The following HIBCH variants were observed in gnomAD, a reference collection of about 807,000 sequenced individuals.
HIBCH encodes 3-hydroxyisobutyryl-CoA hydrolase, mitochondrial.
Under a neutral mutation model 58.2 loss-of-function variants are expected in HIBCH, and 50 were observed. The ratio of observed to expected loss-of-function variants is 0.86; its 90% CI spans 0.68 to 1.09. HIBCH has a LOEUF of 1.09. Among genes scored for constraint, HIBCH ranks in the 50% least tolerant of loss-of-function variants. The pLI, the probability that HIBCH is intolerant of heterozygous loss-of-function variation, is 0.00. For missense variants in HIBCH, 450 were observed against 449.7 expected, an observed-to-expected ratio of 1.00 and a Z score of -0.01; for synonymous variants, 151 against 146.9, an observed-to-expected ratio of 1.03 and a Z score of -0.20.
Position 190,304,252 on chromosome 2 carries a change from TAA to T in HIBCH, c.78+6500_78+6501del, listed in dbSNP as rs34508159. On this transcript the variant is annotated intron_variant, in intron 2 of 13. Coordinates refer to ENST00000359678, the MANE Select transcript of HIBCH (RefSeq NM_014362.4). The surrounding 1 kb of genome is among the most constrained non-coding windows in gnomAD (Gnocchi z 4.1). ...GAATACCTGAAACTGTGTAATTTGTTAAAAAAAAAAAAAAAAAGGAATTTATT... is the reference window on the plus strand; with the variant it reads ...GAATACCTGAAACTGTGTAATTTGTTAAAAAAAAAAAAAAAGGAATTTATT... 0.69 allele frequency among the ~76,000 whole-genome samples: 99,907 copies of T among 145,446 alleles called. 34,291 individuals are homozygous for T. Among genetic ancestry groups the T allele is most frequent in the South Asian group, 0.71 (3,254 of 4,556 alleles).
intron 4 of HIBCH, among the ~76,000 whole-genome samples, chr2:190,292,032 G>T (rs1687971714): frequency 6.6e-6 from 1 of 152,140 alleles, no homozygotes; most frequent in Non-Finnish European, 1.5e-5. Flanking sequence ...GCCCAGGCTG[G>T]AGTACAGTGG....
chr2:190,303,592 A>G (rs1213260112), intron 2 of HIBCH, among the ~76,000 whole-genome samples: 1 of 151,860 alleles, frequency 6.6e-6, no homozygotes, highest in Admixed American at 6.5e-5. Context: ...ATGAGTCCAC[A>G]CAGAAAAAAT....
chr2:190,256,125 C>A (rs572836402), intron 7 of HIBCH, among the ~76,000 whole-genome samples: 1 of 152,106 alleles, frequency 6.6e-6, no homozygotes, highest in Non-Finnish European at 1.5e-5. Flanking sequence ...GGAGACACTG[C>A]GTCCATGATC....
At chr2:190,228,556 AAAG>A (rs1338231111) in intron 11 of HIBCH, among the ~76,000 whole-genome samples, 3 of 137,982 alleles carry the variant, frequency 2.2e-5, no homozygotes, top group Non-Finnish European at 3.1e-5. Context: ...AATTAAAAAA[AAAG>A]AGAGAGAGAG....
At chr2:190,201,160 A>G (rs993629039), downstream of HIBCH, 7 of 167,000 alleles carry the variant, frequency 4.2e-5, 1 homozygote, top group South Asian at 1.4e-3. Context: ...TTTAGTGGTA[A>G]CACAAGCCTA....
intron 1 of HIBCH, among the ~76,000 whole-genome samples, chr2:190,318,847 T>C (rs1688773781): frequency 6.6e-6 from 1 of 152,158 alleles, no homozygotes; most frequent in South Asian, 2.1e-4. Flanking sequence ...CTCTTAAATG[T>C]ATAACAAAAA....
intron 11 of HIBCH, among the ~76,000 whole-genome samples, chr2:190,223,839 G>C (rs1685804689): frequency 1.3e-5 from 2 of 152,254 alleles, no homozygotes; most frequent in Non-Finnish European, 2.9e-5. Flanking sequence ...CTCCCAGAGT[G>C]AGCAATGTGG....
At chr2:190,257,093 A>G (rs1378264373) in intron 7 of HIBCH, among the ~76,000 whole-genome samples, 1 of 152,228 alleles carries the variant, frequency 6.6e-6, no homozygotes. Flanking sequence ...GTAGCTCAAT[A>G]ACCACAAGCA....
intron 11 of HIBCH, among the ~76,000 whole-genome samples, chr2:190,235,640 G>A (rs536814100): frequency 3.3e-5 from 5 of 152,230 alleles, no homozygotes; most frequent in East Asian, 1.9e-4. Context: ...CTTTTTGGCC[G>A]TATTTCCTGG....
chr2:190,251,710 A>T (rs1686779211), intron 8 of HIBCH, among the ~76,000 whole-genome samples: 1 of 131,256 alleles, frequency 7.6e-6, no homozygotes, highest in South Asian at 2.3e-4. Context: ...AAAGATAAGT[A>T]ACGTGTTCCT....
intron 11 of HIBCH, among the ~76,000 whole-genome samples, chr2:190,220,832 T>C (rs184392116): frequency 1.3e-5 from 2 of 152,160 alleles, no homozygotes; most frequent in African/African-American, 4.8e-5. Flanking sequence ...GGGAGTGACA[T>C]GACCACTTTC....
intron 7 of HIBCH, among the ~76,000 whole-genome samples, chr2:190,253,049 C>A (rs746735804): frequency 6.6e-6 from 1 of 152,070 alleles, no homozygotes; most frequent in Non-Finnish European, 1.5e-5. Flanking sequence ...ATCAGCCGGG[C>A]ATGGTGGCGC....
intron 4 of HIBCH, 123 bp downstream of exon 4, chr2:190,294,423 T>C: frequency 1.4e-6 from 1 of 706,270 alleles, no homozygotes; most frequent in Non-Finnish European, 2.5e-6. Context: ...TAAGAATGTA[T>C]TAACTTTATA....
chr2:190,269,467 G>GA (rs56282357), intron 6 of HIBCH, among the ~76,000 whole-genome samples: 148,215 of 152,272 alleles, frequency 0.97, 72,175 homozygotes, highest in Admixed American at 0.98. Context: ...ACAAACATAT[G>GA]AAAAAAGCTC....
intron 8 of HIBCH, chr2:190,251,424 G>A: frequency 2.8e-6 from 1 of 356,244 alleles, no homozygotes; most frequent in Non-Finnish European, 5.8e-6. Context: ...CAGTCAGAGT[G>A]AACCAAACCA....
rs973730915 is a variant in HIBCH at position 190,315,378 on chromosome 2, C to T, written c.35+4338G>A. Reference sequence around the variant, plus strand: ...AAGTACCATCAACATCCCCTGGAAACTGACTAGAAACTGAAATTCTCTGCC... The same window carrying T: ...AAGTACCATCAACATCCCCTGGAAATTGACTAGAAACTGAAATTCTCTGCC... On this transcript the variant is annotated intron_variant, in intron 1 of 13. Coordinates refer to ENST00000359678, the MANE Select transcript of HIBCH (RefSeq NM_014362.4). The surrounding 1 kb of genome is among the most constrained non-coding windows in gnomAD (Gnocchi z 5.4). 6.6e-5 allele frequency among the ~76,000 whole-genome samples: 10 copies of T among 152,180 alleles called. No homozygotes were observed. Among genetic ancestry groups the T allele is most frequent in the African/African-American group, 2.4e-4 (10 of 41,436 alleles).
At position 190,315,191 on chromosome 2, in the gene HIBCH, T is replaced by A. The variant is rs920283961; in HGVS notation, c.36-4395A>T. ...CATGATCTCCTGACTTCTTTCTTGA[T>A]CCGCCCGCCTCAGCCTCCCAAAGTG... is the stretch of plus-strand genomic sequence containing the variant. On this transcript the variant is annotated intron_variant, in intron 1 of 13. Coordinates refer to ENST00000359678, the MANE Select transcript of HIBCH (RefSeq NM_014362.4). The surrounding 1 kb of genome is among the most constrained non-coding windows in gnomAD (Gnocchi z 5.4). Among the ~76,000 whole-genome samples, 1 of 152,120 alleles carries A rather than the reference T, an allele frequency of 6.6e-6. No individual in the cohort carries two copies. Among genetic ancestry groups the A allele is most frequent in the East Asian group, 1.9e-4 (1 of 5,192 alleles).
intron 1 of HIBCH, among the ~76,000 whole-genome samples, chr2:190,196,006 T>G (rs1179599225): frequency 1.4e-5 from 2 of 141,254 alleles, no homozygotes; most frequent in Non-Finnish European, 3.0e-5. Context: ...TTGAAAAGAC[T>G]ATGTATGTGT....
chr2:190,244,144 T>TACACAC (rs3838544), intron 11 of HIBCH, among the ~76,000 whole-genome samples: 2 of 142,704 alleles, frequency 1.4e-5, no homozygotes, highest in East Asian at 2.1e-4. Flanking sequence ...TATATATATA[T>TACACAC]ATACACACAC....
Sources: allele counts gnomAD v4.1 joint callset (sites outside exome capture counted in the v4.1 genomes callset), GRCh38; gene constraint gnomAD v4.1.1; non-coding constraint Gnocchi (gnomAD v3.1); transcripts MANE v1.5; gene names NCBI Gene and HGNC (gene_info 2026-07-23, HGNC 2026-07-21).